Variants in SOCS2 observed in about 807,000 individuals in gnomAD.
SOCS2 encodes the protein suppressor of cytokine signaling 2.
A neutral mutation model predicts 18.6 loss-of-function variants in SOCS2; 10 were observed. The ratio of observed to expected loss-of-function variants is 0.54; its 90% confidence interval spans 0.33 to 0.91. The LOEUF is 0.91. Among genes scored for constraint, SOCS2 ranks in the 40% least tolerant of loss-of-function variants. SOCS2 has a pLI of 0.02. For synonymous variants in SOCS2, 104 were observed against 104.0 expected (o/e 1.00, Z 0.00); for missense variants, 231 against 247.2 (o/e 0.93, Z 0.44).
At chr12:93,599,693 G>A in the SOCS2 span, among the ~76,000 whole-genome samples, 2 of 152,210 alleles carry the variant, frequency 1.3e-5, no homozygotes, top group African/African-American at 4.8e-5. Context: ...ATGGATTAAT[G>A]TAGTTATAAT....
intron 1 of SOCS2, among the ~76,000 whole-genome samples, chr12:93,582,327 G>T (rs998570569): frequency 6.6e-6 from 1 of 152,152 alleles, no homozygotes; most frequent in African/African-American, 2.4e-5. Context: ...TTTATCCTGA[G>T]GGCAGTAGGG....
the SOCS2 span, among the ~76,000 whole-genome samples, chr12:93,612,981 G>A: frequency 6.6e-6 from 1 of 152,156 alleles, no homozygotes; most frequent in Admixed American, 6.5e-5. Context: ...TGTAGCTAAG[G>A]AGTGAGGAGG....
the SOCS2 span, among the ~76,000 whole-genome samples, chr12:93,614,635 T>TTTCTTTC: frequency 2.0e-3 from 222 of 111,670 alleles, 14 homozygotes; most frequent in African/African-American, 4.6e-3. Context: ...TTCTTTCTTT[T>TTTCTTTC]GATGGAGTCT....
At chr12:93,605,047 T>A in the SOCS2 span, among the ~76,000 whole-genome samples, 4,618 of 152,066 alleles carry the variant, frequency 0.03, 223 homozygotes, top group African/African-American at 0.1. Context: ...TCCCCACTCC[T>A]GCCCCAGTAG....
At chr12:93,579,685 A>T (rs1016661231), downstream of SOCS2, among the ~76,000 whole-genome samples, 2 of 152,028 alleles carry the variant, frequency 1.3e-5, no homozygotes, top group Admixed American at 1.3e-4. Context: ...GTGTGGCTTG[A>T]GTTCAGGTGA....
the SOCS2 span, among the ~76,000 whole-genome samples, chr12:93,607,365 T>G: frequency 1.3e-5 from 2 of 152,130 alleles, no homozygotes; most frequent in Non-Finnish European, 2.9e-5. Flanking sequence ...TTTTTTCCAC[T>G]CAGAGTACAA....
chr12:93,584,643 G>C (rs1370847215), downstream of SOCS2, among the ~76,000 whole-genome samples: 1 of 150,832 alleles, frequency 6.6e-6, no homozygotes, highest in Admixed American at 6.7e-5. Context: ...TCTTAATAAT[G>C]ATGCATCTTA....
In SOCS2 at chr12:93,575,443, G is replaced by A. The variant is rs1802151; in HGVS notation, c.*264G>A. ...TTAGATTAAAAATAAAATGTCGCAT[G>A]TAAAGGCTGAAGTCGCGTTTTATCA... is the stretch of plus-strand genomic sequence containing the variant. On this transcript the variant is annotated 3_prime_UTR_variant, in exon 2 of 2. Transcript: ENST00000551556. The A allele has an allele frequency of 3.3e-5, 7 of 210,024 alleles. No homozygotes were observed. In the South Asian group the frequency reaches 8.5e-4, roughly 25 times the overall value. The allele number at this position is 210,024 out of a possible 1,614,324, so 13.0% of individuals were successfully genotyped here.
At chr12:93,580,531 G>A (rs1954523904), downstream of SOCS2, among the ~76,000 whole-genome samples, 1 of 143,548 alleles carries the variant, frequency 7.0e-6, no homozygotes. Flanking sequence ...TGAGGCAGGA[G>A]AATTGCTTGA....
the SOCS2 span, among the ~76,000 whole-genome samples, chr12:93,593,512 C>G: frequency 2.0e-5 from 3 of 151,974 alleles, no homozygotes; most frequent in African/African-American, 7.3e-5. Context: ...TAGGTAAGAC[C>G]TATTACAGAT....
At chr12:93,594,808 A>C in the SOCS2 span, among the ~76,000 whole-genome samples, 1 of 152,178 alleles carries the variant, frequency 6.6e-6, no homozygotes, top group African/African-American at 2.4e-5. Flanking sequence ...TTTGTAGGTC[A>C]TTGATCTTTG....
chr12:93,570,254 A>T (rs1954197675), upstream of SOCS2: 1 of 151,926 alleles, frequency 6.6e-6, no homozygotes, highest in Non-Finnish European at 1.5e-5. Context: ...CGCCGGGTCT[A>T]CCGGAGACGT....
chr12:93,580,967 A>G (rs1402707565), downstream of SOCS2, among the ~76,000 whole-genome samples: 3 of 152,244 alleles, frequency 2.0e-5, no homozygotes, highest in African/African-American at 7.2e-5. Flanking sequence ...CTCCTTTGCT[A>G]GAACCACTGA....
At chr12:93,581,837 T>A (rs1234978184) in intron 1 of SOCS2, among the ~76,000 whole-genome samples, 1 of 152,196 alleles carries the variant, frequency 6.6e-6, no homozygotes, top group Non-Finnish European at 1.5e-5. Context: ...TAACATTTAT[T>A]AAACAGTCTA....
chr12:93,574,659 C>T, intron 1 of SOCS2, 63 bp from the exon 2 acceptor site: 2 of 1,212,764 alleles, frequency 1.6e-6, no homozygotes. Context: ...TTGCTCTGTT[C>T]TAAGAATTCT....
At chr12:93,621,631 C>T in the SOCS2 span, among the ~76,000 whole-genome samples, 2 of 152,166 alleles carry the variant, frequency 1.3e-5, no homozygotes, top group African/African-American at 2.4e-5. Context: ...CACACACCAT[C>T]ATGCCCAGCT....
At chr12:93,572,665 C>A (rs1408578085), upstream of SOCS2, 1 of 713,120 alleles carries the variant, frequency 1.4e-6, no homozygotes, top group Non-Finnish European at 2.5e-6. This position sits in a 1 kb window ranked among gnomAD's most constrained non-coding sequence, Gnocchi z 5.0. Context: ...CTGACCCAAC[C>A]TCCCGCTTTC....
chr12:93,580,673 C>T (rs1954527363), downstream of SOCS2, among the ~76,000 whole-genome samples: 1 of 149,026 alleles, frequency 6.7e-6, no homozygotes, highest in Non-Finnish European at 1.5e-5. Context: ...CATGTTATTT[C>T]TACCCAGAGA....
At chr12:93,586,138 G>C (rs6538436), downstream of SOCS2, among the ~76,000 whole-genome samples, 1,384 of 152,194 alleles carry the variant, frequency 9.1e-3, 18 homozygotes, top group African/African-American at 0.032. Flanking sequence ...CCATATTAAA[G>C]AGTTAGGGCT....
Sources: gnomAD v4.1 joint callset for allele counts (sites outside exome capture counted in the v4.1 genomes callset) on GRCh38, gnomAD v4.1.1 for gene constraint, Gnocchi (gnomAD v3.1) non-coding constraint, MANE v1.5 for transcripts, NCBI Gene and HGNC (gene_info 2026-07-23, HGNC 2026-07-21) for gene names.